Variants in SIPA1L1 observed in about 807,000 individuals in gnomAD.
SIPA1L1 encodes the protein signal induced proliferation associated 1 like 1.
In SIPA1L1, 26 loss-of-function variants were observed where a neutral mutation model predicts 162.7. The observed-to-expected ratio is 0.16, with a 90% CI of 0.12 to 0.22. SIPA1L1 has a LOEUF of 0.22. SIPA1L1 is among the 10% of genes least tolerant of loss of function. The pLI, the probability that SIPA1L1 is intolerant of heterozygous loss-of-function variation, is 1.00. For missense variants in SIPA1L1, 1,874 were observed against 2,241.0 expected, an observed-to-expected ratio of 0.84 and a Z score of 3.31; for synonymous variants, 829 against 837.4, an observed-to-expected ratio of 0.99 and a Z score of 0.17.
chr14:71,478,778 C>T (rs1317617352), intron 2 of SIPA1L1, among the ~76,000 whole-genome samples: 4 of 152,042 alleles, frequency 2.6e-5, no homozygotes. Flanking sequence ...GCTTGCATTT[C>T]GGGCCAAGAG....
At chr14:71,648,461 G>T (rs1043768693) in intron 7 of SIPA1L1, among the ~76,000 whole-genome samples, 1 of 152,110 alleles carries the variant, frequency 6.6e-6, no homozygotes, top group Non-Finnish European at 1.5e-5. Context: ...CCGTTATCAC[G>T]ATTTGAACCA....
At chr14:71,724,223 A>G (rs1049120978) in intron 18 of SIPA1L1, among the ~76,000 whole-genome samples, 4 of 152,160 alleles carry the variant, frequency 2.6e-5, no homozygotes, top group African/African-American at 9.7e-5. Context: ...TTCCTGTGTA[A>G]TTCTTAACTA....
intron 1 of SIPA1L1, among the ~76,000 whole-genome samples, chr14:71,320,710 C>CA (rs898183073): frequency 1.1e-4 from 16 of 150,856 alleles, no homozygotes; most frequent in African/African-American, 3.4e-4. Context: ...TCATCCCCCC[C>CA]CCGGCAACCT....
At chr14:71,561,775 C>T (rs1011486811) in intron 4 of SIPA1L1, among the ~76,000 whole-genome samples, 15 of 152,034 alleles carry the variant, frequency 9.9e-5, no homozygotes, top group Non-Finnish European at 2.1e-4. Context: ...TTAGTAGAGA[C>T]GGAGTTTCAC....
At chr14:71,456,038 C>T (rs1200518158) in intron 2 of SIPA1L1, among the ~76,000 whole-genome samples, 1 of 152,080 alleles carries the variant, frequency 6.6e-6, no homozygotes, top group African/African-American at 2.4e-5. Flanking sequence ...AAGGGAAAAA[C>T]GTAAATTATT....
chr14:71,498,813 A>G (rs1485498961), intron 2 of SIPA1L1, among the ~76,000 whole-genome samples: 1 of 152,178 alleles, frequency 6.6e-6, no homozygotes. Context: ...TAAGTGAGGT[A>G]TTACTGTTTG....
chr14:71,702,974 C>T (rs527657351), intron 15 of SIPA1L1, among the ~76,000 whole-genome samples: 1 of 152,314 alleles, frequency 6.6e-6, no homozygotes, highest in African/African-American at 2.4e-5. Context: ...TCTCACTCTG[C>T]TATTAAGCTG....
intron 2 of SIPA1L1, among the ~76,000 whole-genome samples, chr14:71,337,298 A>G (rs1470439746): frequency 1.3e-5 from 2 of 152,226 alleles, no homozygotes; most frequent in African/African-American, 4.8e-5. Context: ...TTCAAAAAGT[A>G]TGGAGGCCAG....
intron 5 of SIPA1L1, among the ~76,000 whole-genome samples, chr14:71,590,055 A>ATG (rs2035175658): frequency 9.2e-6 from 1 of 108,886 alleles, no homozygotes; most frequent in South Asian, 3.3e-4. Flanking sequence ...ATATATATAT[A>ATG]TATATATATA....
intron 2 of SIPA1L1, among the ~76,000 whole-genome samples, chr14:71,498,996 A>G (rs2049997466): frequency 6.6e-6 from 1 of 152,048 alleles, no homozygotes; most frequent in African/African-American, 2.4e-5. Flanking sequence ...TCTTCAAATG[A>G]TAGGGTTTAT....
At chr14:71,459,450 TATCC>T (rs2046426885) in intron 2 of SIPA1L1, among the ~76,000 whole-genome samples, 1 of 151,828 alleles carries the variant, frequency 6.6e-6, no homozygotes, top group African/African-American at 2.4e-5. Flanking sequence ...TCTATCTATC[TATCC>T]ATCCAGAGAG....
Position 71,671,575 on chromosome 14 carries a change from G to A in SIPA1L1, c.2712G>A (p.Val904=). 1 of 1,614,198 alleles carries A rather than the reference G, an allele frequency of 6.2e-7. No homozygotes were observed. The highest frequency in any genetic ancestry group is 8.5e-7 in the Non-Finnish European group (1 of 1,180,012). ...SVVFNCSCRD[V]IGWTSTDTSL... is the part of the protein sequence containing the mutation. ...TCTTCAATTGTTCCTGTAGAGATGT[G>A]ATAGGGTGGACTTCAACTGACACCA... is the stretch of plus-strand genomic sequence containing the variant. Residue 904 remains valine, a synonymous_variant, in exon 11 of 24, where the codon GTG becomes GTA. Transcript: ENST00000381232.
chr14:71,357,903 T>C (rs957965345), intron 2 of SIPA1L1, among the ~76,000 whole-genome samples: 1 of 152,166 alleles, frequency 6.6e-6, no homozygotes, highest in African/African-American at 2.4e-5. Context: ...AATTTTTTTT[T>C]GTATTATTAG....
intron 2 of SIPA1L1, among the ~76,000 whole-genome samples, chr14:71,463,623 C>T (rs2046772426): frequency 6.6e-6 from 1 of 152,150 alleles, no homozygotes; most frequent in Admixed American, 6.5e-5. Flanking sequence ...GTAGTGGGAT[C>T]CTTCCTCAAG....
At chr14:71,336,852 G>A in intron 2 of SIPA1L1, among the ~76,000 whole-genome samples, 1 of 152,080 alleles carries the variant, frequency 6.6e-6, no homozygotes, top group East Asian at 1.9e-4. Flanking sequence ...CTTTTGCTCT[G>A]ATCTGTGACC....
intron 4 of SIPA1L1, among the ~76,000 whole-genome samples, chr14:71,535,067 T>A (rs1381740013): frequency 4.6e-5 from 7 of 152,190 alleles, no homozygotes; most frequent in Non-Finnish European, 8.8e-5. Context: ...AAACCATCTA[T>A]AATTTTACCG....
At chr14:71,330,861 A>C (rs1031954509) in intron 2 of SIPA1L1, 8 of 565,706 alleles carry the variant, frequency 1.4e-5, no homozygotes, top group East Asian at 3.0e-5. Context: ...TATTTTTTCC[A>C]CTCCAGGTTG....
At chr14:71,337,436 T>G (rs1356800158) in intron 2 of SIPA1L1, among the ~76,000 whole-genome samples, 1 of 152,106 alleles carries the variant, frequency 6.6e-6, no homozygotes, top group Non-Finnish European at 1.5e-5. Flanking sequence ...GACTCACAGT[T>G]CCACATGGCT....
intron 2 of SIPA1L1, among the ~76,000 whole-genome samples, chr14:71,501,271 G>C (rs1244874763): frequency 6.6e-6 from 1 of 152,058 alleles, no homozygotes; most frequent in Non-Finnish European, 1.5e-5. Context: ...AGTGAGCCAT[G>C]TTGAAGCCAC....
Sources: gnomAD v4.1 joint callset for allele counts (sites outside exome capture counted in the v4.1 genomes callset) on GRCh38, gnomAD v4.1.1 for gene constraint, MANE v1.5 for transcripts, NCBI Gene and HGNC (gene_info 2026-07-23, HGNC 2026-07-21) for gene names.